COPG2: variants seen among roughly 807,000 people sequenced by gnomAD.
COPG2 encodes the protein coat protein complex I subunit gamma 2, also known as coatomer subunit gamma-2.
COPG2 carries 37 observed loss-of-function variants against 46.3 expected under a neutral mutation model. That is an observed-to-expected ratio of 0.80 (90% confidence interval 0.61 to 1.05). The LOEUF (loss-of-function observed/expected upper bound fraction) is 1.05. COPG2 is among the 50% of genes least tolerant of loss of function. The pLI is 0.00. For synonymous variants in COPG2, 159 were observed against 129.7 expected (o/e 1.23, Z -1.53); for missense variants, 427 against 387.8 (o/e 1.10, Z -0.85).
chr7:130,582,096 A>G (rs1233609367), intron 9 of COPG2, among the ~76,000 whole-genome samples: 1 of 150,740 alleles, frequency 6.6e-6, no homozygotes. Flanking sequence ...ACTTCAAACT[A>G]TACTACAAGG....
chr7:130,633,260 A>G (rs1554455469), intron 5 of COPG2, among the ~76,000 whole-genome samples: 1 of 152,198 alleles, frequency 6.6e-6, no homozygotes, highest in East Asian at 1.9e-4. Context: ...ATATATACCC[A>G]GTAATGCGAT....
At position 130,610,900 on chromosome 7, in the gene COPG2, G is replaced by T. The variant is rs143433324; in HGVS notation, c.737+53C>A. On this transcript the variant is annotated intron_variant, in intron 9 of 23. Transcript: ENST00000425248. ...ATTCAAAAAGGAAATAAACTCTAAG[G>T]TATATTAACTTCGCAAATGGAAAAT... 4,985 of 1,565,662 alleles carry T rather than the reference G, an allele frequency of 3.2e-3. 40 individuals are homozygous for T. The highest frequency in any genetic ancestry group is 0.023 in the African/African-American group (1,676 of 74,022).
intron 8 of COPG2, among the ~76,000 whole-genome samples, chr7:130,611,491 T>C (rs1794848711): frequency 6.6e-6 from 1 of 152,110 alleles, no homozygotes. Flanking sequence ...AAAGGATTAA[T>C]CTCCTAAAGC....
chr7:130,647,561 A>T (rs1470474904), intron 5 of COPG2, among the ~76,000 whole-genome samples: 2 of 152,002 alleles, frequency 1.3e-5, no homozygotes, highest in African/African-American at 4.8e-5. Context: ...ACTTTATAAG[A>T]AACTGCCAAA....
intron 9 of COPG2, among the ~76,000 whole-genome samples, chr7:130,566,832 G>A (rs950039344): frequency 6.6e-6 from 1 of 152,140 alleles, no homozygotes; most frequent in East Asian, 1.9e-4. Context: ...TGTTTCTCAC[G>A]GCCCAGTCCC....
intron 9 of COPG2, among the ~76,000 whole-genome samples, chr7:130,583,805 C>CAAAAAAAA (rs1168370976): frequency 8.1e-5 from 1 of 12,356 alleles, no homozygotes; most frequent in Non-Finnish European, 1.4e-4. Flanking sequence ...GACTCCATCT[C>CAAAAAAAA]AAAAAAAAAA....
At chr7:130,590,920 T>C (rs1794392969) in intron 9 of COPG2, among the ~76,000 whole-genome samples, 1 of 145,612 alleles carries the variant, frequency 6.9e-6, no homozygotes, top group East Asian at 2.1e-4. Context: ...GTCTGAGAAG[T>C]GAGAAGCCCC....
intron 10 of COPG2, 99 bp downstream of exon 10, chr7:130,564,161 A>G: frequency 2.5e-6 from 1 of 398,046 alleles, no homozygotes; most frequent in Non-Finnish European, 4.4e-6. Flanking sequence ...ACACAGAGCT[A>G]GTGTTCAGAA....
At chr7:130,660,698 T>C (rs1337918891) in intron 4 of COPG2, among the ~76,000 whole-genome samples, 7 of 152,198 alleles carry the variant, frequency 4.6e-5, no homozygotes, top group African/African-American at 7.2e-5. Context: ...GACCTCTTCA[T>C]TCCTCGACCT....
intron 20 of COPG2, among the ~76,000 whole-genome samples, chr7:130,530,014 A>G (rs1038828284): frequency 2.6e-5 from 4 of 152,148 alleles, no homozygotes; most frequent in Non-Finnish European, 5.9e-5. Flanking sequence ...GCCCAGTGGG[A>G]GAGAGTATGC....
At chr7:130,593,965 C>G (rs1794479109) in intron 9 of COPG2, among the ~76,000 whole-genome samples, 1 of 151,992 alleles carries the variant, frequency 6.6e-6, no homozygotes, top group Admixed American at 6.5e-5. Context: ...GAGCTCTGTT[C>G]ATCAAAAGAC....
intron 9 of COPG2, among the ~76,000 whole-genome samples, chr7:130,590,430 A>AT (rs1354714538): frequency 4.6e-5 from 7 of 151,980 alleles, no homozygotes; most frequent in Non-Finnish European, 1.0e-4. Context: ...TGGTTTTCGT[A>AT]TTTTTTTGGT....
At chr7:130,549,258 TA>T (rs1368641640) in intron 18 of COPG2, 55 bp downstream of exon 18, 8 of 398,452 alleles carry the variant, frequency 2.0e-5, no homozygotes, top group African/African-American at 1.4e-4. Flanking sequence ...GTAGACTTTT[TA>T]TATTTACAAT....
intron 20 of COPG2, among the ~76,000 whole-genome samples, chr7:130,544,966 G>A (rs971466497): frequency 6.6e-6 from 1 of 152,036 alleles, no homozygotes; most frequent in South Asian, 2.1e-4. Flanking sequence ...CATTTATAAA[G>A]TAAAGGGGAG....
At chr7:130,588,334 G>A (rs1382555034) in intron 9 of COPG2, among the ~76,000 whole-genome samples, 1 of 151,758 alleles carries the variant, frequency 6.6e-6, no homozygotes, top group Non-Finnish European at 1.5e-5. Flanking sequence ...CTGCTATAAA[G>A]ACACATGCAC....
At chr7:130,580,829 G>A (rs1313943134) in intron 9 of COPG2, among the ~76,000 whole-genome samples, 1 of 122,888 alleles carries the variant, frequency 8.1e-6, no homozygotes, top group Non-Finnish European at 1.7e-5. Flanking sequence ...ACCAATAACA[G>A]GAGCTGAAAT....
At chr7:130,536,556 CG>C (rs1320899663) in intron 20 of COPG2, among the ~76,000 whole-genome samples, 1 of 152,176 alleles carries the variant, frequency 6.6e-6, no homozygotes, top group Non-Finnish European at 1.5e-5. Flanking sequence ...TAGGCTTCCT[CG>C]GGGTCCTGCA....
At chr7:130,625,380 T>C (rs1418446289) in intron 5 of COPG2, among the ~76,000 whole-genome samples, 1 of 152,218 alleles carries the variant, frequency 6.6e-6, no homozygotes, top group Non-Finnish European at 1.5e-5. Flanking sequence ...TTCTTATGTT[T>C]CAACTTGGTT....
chr7:130,668,578 C>CG (rs1796151789), intron 1 of COPG2, 54 bp downstream of exon 1: 2 of 1,461,608 alleles, frequency 1.4e-6, no homozygotes, highest in East Asian at 3.1e-5. Flanking sequence ...TGGCGGCGGG[C>CG]GGGGGAAGGG....
Sources: gnomAD v4.1 joint callset for allele counts (sites outside exome capture counted in the v4.1 genomes callset) on GRCh38, gnomAD v4.1.1 for gene constraint, MANE v1.5 for transcripts, NCBI Gene and HGNC (gene_info 2026-07-23, HGNC 2026-07-21) for gene names.